Variants in ERGIC1 observed in about 807,000 individuals in gnomAD.
ERGIC1 encodes endoplasmic reticulum-Golgi intermediate compartment protein 1.
ERGIC1 carries 19 observed loss-of-function variants against 38.3 expected under a neutral mutation model. The ratio of observed to expected loss-of-function variants is 0.50; its 90% confidence interval spans 0.35 to 0.73. The LOEUF is 0.73. ERGIC1 is among the 30% of genes least tolerant of loss of function. The probability of loss-of-function intolerance (pLI) is 0.01; values close to 1 mark genes in which losing one functional copy is unlikely to be tolerated. For missense variants in ERGIC1, 294 were observed against 389.2 expected, an observed-to-expected ratio of 0.76 and a Z score of 2.06; for synonymous variants, 124 against 157.6, an observed-to-expected ratio of 0.79 and a Z score of 1.60.
intron 9 of ERGIC1, among the ~76,000 whole-genome samples, chr5:172,939,803 T>G (rs1480583923): frequency 1.3e-5 from 2 of 152,192 alleles, no homozygotes; most frequent in African/African-American, 4.8e-5. Flanking sequence ...GGCGTCATTG[T>G]GGAGCTTCAA....
At chr5:172,862,025 CTT>C (rs1761714747) in intron 1 of ERGIC1, among the ~76,000 whole-genome samples, 1 of 151,420 alleles carries the variant, frequency 6.6e-6, no homozygotes, top group South Asian at 2.1e-4. Context: ...AAGTTTTGCT[CTT>C]GTCACCCAGG....
At chr5:172,916,494 G>A (rs1199053807) in intron 5 of ERGIC1, 1 of 152,170 alleles carries the variant, frequency 6.6e-6, no homozygotes, top group Non-Finnish European at 1.5e-5. Flanking sequence ...TATCCAATAG[G>A]TTGCCACCAG....
chr5:172,856,353 G>A (rs1271973436), intron 1 of ERGIC1, among the ~76,000 whole-genome samples: 1 of 152,246 alleles, frequency 6.6e-6, no homozygotes, highest in African/African-American at 2.4e-5. Context: ...TCAAGGCCAT[G>A]CATGGAACAG....
At chr5:172,835,999 A>G (rs927307706) in intron 1 of ERGIC1, among the ~76,000 whole-genome samples, 13 of 152,174 alleles carry the variant, frequency 8.5e-5, no homozygotes, top group African/African-American at 3.1e-4. Context: ...GATTCGTGCC[A>G]CCGCCGCCCC....
Position 172,893,909 on chromosome 5 carries a change from G to A in ERGIC1, c.83-3093G>A, listed in dbSNP as rs55972019. Among the ~76,000 whole-genome samples the A allele has an allele frequency of 2.8e-3, 62 of 22,488 alleles. 2 individuals are homozygous for A. Among genetic ancestry groups the A allele is most frequent in the African/African-American group, 6.5e-3 (47 of 7,184 alleles). 14.8% of individuals were successfully genotyped at this position (22,488 alleles called of 152,430 possible). ...TATATATATATATATATATATATGT[G>A]TGTGTGTGTGTGTGTGTGTGTGTGT... On this transcript the variant is annotated intron_variant, in intron 2 of 9. Coordinates refer to ENST00000393784, the MANE Select transcript of ERGIC1 (RefSeq NM_001031711.3).
chr5:172,902,003 C>T (rs760839723), intron 3 of ERGIC1, among the ~76,000 whole-genome samples: 90 of 152,180 alleles, frequency 5.9e-4, no homozygotes, highest in Non-Finnish European at 7.9e-4. Flanking sequence ...AGGCACCAGG[C>T]GGCCAAAACC....
chr5:172,881,032 T>C (rs1762269097), intron 1 of ERGIC1, among the ~76,000 whole-genome samples: 1 of 152,220 alleles, frequency 6.6e-6, no homozygotes, highest in Admixed American at 6.5e-5. Flanking sequence ...GCAGATCACC[T>C]GAGGTTGGGA....
chr5:172,865,071 T>G (rs1055488435), intron 1 of ERGIC1, among the ~76,000 whole-genome samples: 2 of 148,572 alleles, frequency 1.3e-5, no homozygotes, highest in Non-Finnish European at 3.0e-5. Flanking sequence ...TTTTTTTTTT[T>G]TTTGAGACAG....
intron 1 of ERGIC1, among the ~76,000 whole-genome samples, chr5:172,840,483 C>T (rs192672542): frequency 1.2e-3 from 182 of 152,306 alleles, no homozygotes; most frequent in African/African-American, 3.8e-3. Flanking sequence ...ATATTAAAGT[C>T]TCTCATGTGA....
At chr5:172,855,923 A>G (rs1305408510) in intron 1 of ERGIC1, among the ~76,000 whole-genome samples, 1 of 152,252 alleles carries the variant, frequency 6.6e-6, no homozygotes, top group Non-Finnish European at 1.5e-5. Flanking sequence ...TGTGGCGTCC[A>G]GTCTTTTTGC....
rs182682544 is a variant in ERGIC1 at position 172,891,033 on chromosome 5, C to G, written c.82+2273C>G. ...CCCATTTAGCAGCAGTGTGACTGAG[C>G]AAGTCACTCCCCTCTCTGAGCCTCA... On this transcript the variant is annotated intron_variant, in intron 2 of 9. Coordinates refer to ENST00000393784, the MANE Select transcript of ERGIC1 (RefSeq NM_001031711.3). Among the ~76,000 whole-genome samples, 325 of 152,350 alleles carry G rather than the reference C, an allele frequency of 2.1e-3. 1 individual carries two copies. The highest frequency in any genetic ancestry group is 3.6e-3 in the Non-Finnish European group (244 of 68,028).
rs68060196 is a variant in ERGIC1, at chr5:172,834,580, G to GCCCCCCCCCCCC, written c.20+156_20+157insCCCCCCCCCCCC. 1.9e-6 allele frequency: 1 copy of GCCCCCCCCCCCC among 522,344 alleles called. No homozygotes were observed. The highest frequency in any genetic ancestry group is 2.5e-5 in the African/African-American group (1 of 40,528). 32.4% of individuals were successfully genotyped at this position (522,344 alleles called of 1,614,324 possible). On this transcript the variant is annotated intron_variant, in intron 1 of 9. Coordinates refer to ENST00000393784, the MANE Select transcript of ERGIC1 (RefSeq NM_001031711.3). This position sits in a 1 kb window ranked among gnomAD's most constrained non-coding sequence, Gnocchi z 4.1. ...GCAGGCCCCTAGGGACCCCAGGCGAGCCCCCCCCCTGCCGCACACGAAGCC... is the reference window on the plus strand; with the variant it reads ...GCAGGCCCCTAGGGACCCCAGGCGAGCCCCCCCCCCCCCCCCCCCCCTGCCGCACACGAAGCC...
intron 1 of ERGIC1, among the ~76,000 whole-genome samples, chr5:172,860,244 G>A (rs1761662767): frequency 6.6e-6 from 1 of 152,186 alleles, no homozygotes; most frequent in Non-Finnish European, 1.5e-5. Flanking sequence ...AGCAGAGGAG[G>A]GCAGGAGGGC....
intron 1 of ERGIC1, among the ~76,000 whole-genome samples, chr5:172,848,066 C>G (rs1761321152): frequency 6.6e-6 from 1 of 152,202 alleles, no homozygotes; most frequent in African/African-American, 2.4e-5. Context: ...AGTAGTGCCA[C>G]CCTGAGGCTT....
intron 1 of ERGIC1, among the ~76,000 whole-genome samples, chr5:172,848,760 A>G (rs1761337701): frequency 6.6e-6 from 1 of 152,208 alleles, no homozygotes. Context: ...CCCTCCTGCA[A>G]TGTGGCAGAG....
chr5:172,860,805 C>A (rs1178385922), intron 1 of ERGIC1, among the ~76,000 whole-genome samples: 1 of 152,174 alleles, frequency 6.6e-6, no homozygotes, highest in African/African-American at 2.4e-5. Context: ...GTGTTAGCCA[C>A]GCCTGTGTTT....
At chr5:172,914,930 A>G in intron 5 of ERGIC1, 92 bp downstream of exon 5, 1 of 1,574,984 alleles carries the variant, frequency 6.3e-7, no homozygotes, top group Non-Finnish European at 8.7e-7. Context: ...CACTCACTCG[A>G]CCTGACCCTG....
intron 1 of ERGIC1, among the ~76,000 whole-genome samples, chr5:172,869,345 C>T (rs898253371): frequency 6.6e-6 from 1 of 152,234 alleles, no homozygotes; most frequent in Non-Finnish European, 1.5e-5. Flanking sequence ...TGGAAAAGTA[C>T]ATTTTGCTCA....
At chr5:172,843,662 T>C (rs557088874) in intron 1 of ERGIC1, among the ~76,000 whole-genome samples, 1 of 152,354 alleles carries the variant, frequency 6.6e-6, no homozygotes, top group East Asian at 1.9e-4. Flanking sequence ...CCTTTCTGAA[T>C]GGTCTTCGCC....
Sources: allele counts gnomAD v4.1 joint callset (sites outside exome capture counted in the v4.1 genomes callset), GRCh38; gene constraint gnomAD v4.1.1; non-coding constraint Gnocchi (gnomAD v3.1); transcripts MANE v1.5; gene names NCBI Gene and HGNC (gene_info 2026-07-23, HGNC 2026-07-21).